PLS1: variants seen among roughly 807,000 people sequenced by gnomAD.
PLS1 encodes plastin 1.
In PLS1, 32 loss-of-function variants were observed where a neutral mutation model predicts 73.7. The observed-to-expected ratio is 0.43, with a 90% CI of 0.33 to 0.58. PLS1 has a LOEUF of 0.58. Among genes scored for constraint, PLS1 ranks in the 20% least tolerant of loss-of-function variants. PLS1 has a pLI of 0.04. For synonymous variants in PLS1, 217 were observed against 261.3 expected, an observed-to-expected ratio of 0.83 and a Z score of 1.63; for missense variants, 633 against 740.5, an observed-to-expected ratio of 0.85 and a Z score of 1.68.
intron 1 of PLS1, among the ~76,000 whole-genome samples, chr3:142,643,715 A>G (rs1033387820): frequency 6.6e-6 from 1 of 152,230 alleles, no homozygotes; most frequent in Non-Finnish European, 1.5e-5. Context: ...GTTTAGGAAA[A>G]TAAGGAACAT....
intron 1 of PLS1, among the ~76,000 whole-genome samples, chr3:142,649,024 C>T (rs1295604133): frequency 6.6e-6 from 1 of 152,092 alleles, no homozygotes; most frequent in African/African-American, 2.4e-5. Context: ...TTTCTCTTTA[C>T]ATGCAATACT....
At chr3:142,645,785 G>GA (rs1016079695) in intron 1 of PLS1, among the ~76,000 whole-genome samples, 1 of 151,946 alleles carries the variant, frequency 6.6e-6, no homozygotes, top group Admixed American at 6.6e-5. Flanking sequence ...TTTTTCAGAG[G>GA]AAAAAAATAT....
At chr3:142,629,791 G>C (rs1370387161) in intron 1 of PLS1, among the ~76,000 whole-genome samples, 1 of 152,144 alleles carries the variant, frequency 6.6e-6, no homozygotes, top group East Asian at 1.9e-4. Flanking sequence ...CAGCACTATA[G>C]GAATGTTAGA....
At chr3:142,611,001 T>C (rs971949008) in intron 1 of PLS1, among the ~76,000 whole-genome samples, 1 of 152,216 alleles carries the variant, frequency 6.6e-6, no homozygotes, top group Non-Finnish European at 1.5e-5. Context: ...TTTCATGTGG[T>C]CTCTGTCTCT....
intron 1 of PLS1, among the ~76,000 whole-genome samples, chr3:142,648,034 A>T (rs993374626): frequency 2.6e-5 from 4 of 151,726 alleles, no homozygotes; most frequent in African/African-American, 9.7e-5. Flanking sequence ...TGGTTCATTG[A>T]CTCCCTTACT....
chr3:142,681,537 TAGAC>T (rs1369991237), intron 6 of PLS1, among the ~76,000 whole-genome samples: 1 of 152,196 alleles, frequency 6.6e-6, no homozygotes, highest in Non-Finnish European at 1.5e-5. Context: ...GGGAACCTGT[TAGAC>T]AGTCCAAGCC....
At chr3:142,667,490 G>C (rs571083978) in intron 2 of PLS1, among the ~76,000 whole-genome samples, 104 of 152,246 alleles carry the variant, frequency 6.8e-4, no homozygotes, top group African/African-American at 2.2e-3. Flanking sequence ...GCAAGACTCT[G>C]TCTCGAAGAA....
At chr3:142,682,608 T>A (rs2037879159) in intron 6 of PLS1, among the ~76,000 whole-genome samples, 1 of 152,220 alleles carries the variant, frequency 6.6e-6, no homozygotes, top group Non-Finnish European at 1.5e-5. Context: ...GGCTTAATTT[T>A]CAGTCCAGTT....
chr3:142,671,193 T>C, intron 4 of PLS1, 71 bp downstream of exon 4: 1 of 1,315,950 alleles, frequency 7.6e-7, no homozygotes, highest in Non-Finnish European at 1.1e-6. Context: ...TAATCAGTTC[T>C]AAGATGCCAC....
Position 142,711,891 on chromosome 3 carries a change from C to T in PLS1, c.1774C>T (p.Arg592Ter), listed in dbSNP as rs144209693. ...NNAKYAISVA[R>*]KIGARIYALP... ...TTCAAGATACGCCATTTCAGTTGCTCGAAAGATCGGTGCCCGGATATATGC... is the reference window on the plus strand; with the variant it reads ...TTCAAGATACGCCATTTCAGTTGCTTGAAAGATCGGTGCCCGGATATATGC... Residue 592 changes from arginine to a stop codon, truncating the protein, a stop_gained, in exon 16 of 16, where the codon CGA becomes TGA. Coordinates refer to ENST00000457734, the MANE Select transcript of PLS1 (RefSeq NM_001145319.2). LOFTEE classifies it high-confidence loss of function. 2.5e-4 allele frequency: 399 copies of T among 1,613,406 alleles called. No homozygotes were observed. The highest frequency in any genetic ancestry group is 3.3e-4 in the Non-Finnish European group (384 of 1,179,592).
intron 1 of PLS1, among the ~76,000 whole-genome samples, chr3:142,625,219 G>A (rs1027046418): frequency 2.6e-5 from 4 of 151,028 alleles, no homozygotes; most frequent in Admixed American, 1.3e-4. Flanking sequence ...TTAAACTCCC[G>A]AATATGTCAC....
At chr3:142,704,030 T>C in intron 13 of PLS1, 29 bp downstream of exon 13, 9 of 1,597,350 alleles carry the variant, frequency 5.6e-6, no homozygotes, top group Non-Finnish European at 7.7e-6. Flanking sequence ...GTAGCAACAC[T>C]GCCTGTTTCC....
chr3:142,689,856 C>G, intron 10 of PLS1, 43 bp downstream of exon 10: 1 of 1,265,244 alleles, frequency 7.9e-7, no homozygotes, highest in Non-Finnish European at 1.1e-6. Context: ...TATTTATCTT[C>G]TTATGGTATT....
At chr3:142,621,950 C>T (rs185665621) in intron 1 of PLS1, among the ~76,000 whole-genome samples, 49 of 152,252 alleles carry the variant, frequency 3.2e-4, no homozygotes, top group Middle Eastern at 6.8e-3. Flanking sequence ...TTAATGCCAC[C>T]GCATCCAACT....
intron 9 of PLS1, among the ~76,000 whole-genome samples, chr3:142,687,663 C>G (rs983714182): frequency 1.3e-5 from 2 of 152,226 alleles, no homozygotes; most frequent in Middle Eastern, 3.4e-3. Context: ...CATGGTCAAT[C>G]TTATCTCGTT....
intron 1 of PLS1, among the ~76,000 whole-genome samples, chr3:142,652,182 G>A (rs931643467): frequency 6.6e-6 from 1 of 152,190 alleles, no homozygotes; most frequent in African/African-American, 2.4e-5. Context: ...GTCCTCAGAA[G>A]AACTGATTCC....
chr3:142,704,712 G>A (rs1032172715), intron 14 of PLS1, 126 bp downstream of exon 14: 10 of 442,730 alleles, frequency 2.3e-5, no homozygotes, highest in African/African-American at 6.8e-5. Flanking sequence ...GCAGTGGCGC[G>A]ATCTTGGCTC....
chr3:142,638,993 G>C (rs1350248462), intron 1 of PLS1, among the ~76,000 whole-genome samples: 1 of 151,990 alleles, frequency 6.6e-6, no homozygotes, highest in Non-Finnish European at 1.5e-5. Context: ...TGCCCTCCTT[G>C]GCCTCCCAAA....
chr3:142,619,018 C>T (rs947586045), intron 1 of PLS1, among the ~76,000 whole-genome samples: 6 of 152,134 alleles, frequency 3.9e-5, no homozygotes, highest in African/African-American at 1.4e-4. Flanking sequence ...AATAAGATAG[C>T]GGTGGTTATC....
Sources: allele counts gnomAD v4.1 joint callset (sites outside exome capture counted in the v4.1 genomes callset), GRCh38; gene constraint gnomAD v4.1.1; transcripts MANE v1.5; gene names NCBI Gene and HGNC (gene_info 2026-07-23, HGNC 2026-07-21).